The following ENOSF1 variants were observed in gnomAD, a reference collection of about 807,000 sequenced individuals.
ENOSF1 encodes the protein mitochondrial enolase superfamily member 1.
A neutral mutation model predicts 68.2 loss-of-function variants in ENOSF1; 73 were observed. The observed-to-expected ratio is 1.07, with a 90% confidence interval of 0.89 to 1.30. The LOEUF (loss-of-function observed/expected upper bound fraction) is 1.30. ENOSF1 is among the 50% of genes most tolerant of loss of function. The pLI is 0.00. For synonymous variants in ENOSF1, 223 were observed against 210.4 expected (o/e 1.06, Z -0.52); for missense variants, 589 against 554.5 (o/e 1.06, Z -0.62).
At chr18:669,904 G>A (rs1294679485), downstream of ENOSF1, among the ~76,000 whole-genome samples, 1 of 151,956 alleles carries the variant, frequency 6.6e-6, no homozygotes, top group Non-Finnish European at 1.5e-5. Context: ...TGAGGCTGTA[G>A]TGAGTCATGA....
At chr18:689,875 C>T (rs1481012664) in intron 8 of ENOSF1, among the ~76,000 whole-genome samples, 1 of 150,748 alleles carries the variant, frequency 6.6e-6, no homozygotes, top group Non-Finnish European at 1.5e-5. Context: ...AAACTTTAGC[C>T]TATTCCCAGA....
In ENOSF1 at chr18:692,619, GAAAA is replaced by G. The variant is rs994288111; in HGVS notation, c.423+1259_423+1262del. 7.9e-6 allele frequency: 6 copies of G among 756,210 alleles called. No homozygotes were observed. In the African/African-American group the frequency reaches 1.2e-4, roughly 16 times the overall value. The allele number at this position is 756,210 out of a possible 1,614,324, so 46.8% of individuals were successfully genotyped here. A position where few individuals can be genotyped will look rare whatever the true frequency, so the allele number is the denominator to read the frequency against. On this transcript the variant is annotated intron_variant, in intron 5 of 15. Transcript: ENST00000647584. ...TCTAAAAAAAAAAAAAAGAAAGAAA[GAAAA>G]AAAGAAAAAAGAAAAGAGTACTGGC... is the stretch of plus-strand genomic sequence containing the variant.
chr18:688,951 T>C (rs1042499889), intron 8 of ENOSF1, among the ~76,000 whole-genome samples: 6 of 152,246 alleles, frequency 3.9e-5, no homozygotes, highest in African/African-American at 1.4e-4. Context: ...AGCCAGCCTC[T>C]CTCTCCACTC....
chr18:711,619 A>C (rs1394429023), intron 1 of ENOSF1, among the ~76,000 whole-genome samples: 1 of 152,164 alleles, frequency 6.6e-6, no homozygotes, highest in Non-Finnish European at 1.5e-5. Context: ...AACCCACTGT[A>C]TTTGGGAAAC....
chr18:666,891 AGATGGTGATGGAGATGGT>A (rs1598467903), downstream of ENOSF1, among the ~76,000 whole-genome samples: 80 of 62,180 alleles, frequency 1.3e-3, 8 homozygotes, highest in Middle Eastern at 8.3e-3. Flanking sequence ...AAAGTTCGGG[AGATGGTGATGGAGATGGT>A]GATGGTGATG....
At chr18:682,876 C>T (rs2076209597) in intron 11 of ENOSF1, 1 of 182,666 alleles carries the variant, frequency 5.5e-6, no homozygotes. Flanking sequence ...GAGTAAGACT[C>T]TATCTCAAAA....
At chr18:695,221 C>T (rs1221442103) in intron 3 of ENOSF1, among the ~76,000 whole-genome samples, 1 of 152,202 alleles carries the variant, frequency 6.6e-6, no homozygotes, top group Non-Finnish European at 1.5e-5. Flanking sequence ...GTACAGGCCA[C>T]TTGATTTGTA....
rs142931218 is a variant in ENOSF1, at chr18:703,302, T to C, written c.193+3168A>G. Among the ~76,000 whole-genome samples, 159 of 152,232 alleles carry C rather than the reference T, an allele frequency of 1.0e-3. 2 individuals carry two copies. In the East Asian group the frequency reaches 0.017, roughly 16 times the overall value. On this transcript the variant is annotated intron_variant, in intron 2 of 15. Transcript: ENST00000647584. ...TCCCAGAAGGGCTTCTTATCTATCT[T>C]AGTGCCCAGGGCCCCTCCACGTGTG...
Position 672,883 on chromosome 18 carries a change from C to T in ENOSF1, c.*1422G>A. On this transcript the variant is annotated 3_prime_UTR_variant, in exon 16 of 16. Coordinates refer to ENST00000647584, the MANE Select transcript of ENOSF1 (RefSeq NM_017512.7). ...AGCTTCAGCGAGAACCCAGACCTTT[C>T]CCAAAGCTCAGGATTCTTCGAAAAG... The T allele has an allele frequency of 6.3e-7, 1 of 1,586,010 alleles. No individual in the cohort carries two copies. The highest frequency in any genetic ancestry group is 8.6e-7 in the Non-Finnish European group (1 of 1,158,562).
intron 2 of ENOSF1, among the ~76,000 whole-genome samples, chr18:702,251 C>T (rs1330767586): frequency 2.5e-5 from 2 of 80,976 alleles, no homozygotes; most frequent in African/African-American, 5.3e-5. Flanking sequence ...GCAACAAGAG[C>T]GAAACTACAT....
chr18:696,426 T>G (rs1397169678), intron 3 of ENOSF1, among the ~76,000 whole-genome samples: 12 of 151,946 alleles, frequency 7.9e-5, no homozygotes. Flanking sequence ...TTAGCCAGGA[T>G]GGTCTCGACC....
chr18:672,798 T>C lies in ENOSF1; in HGVS notation c.*1507A>G. The C allele has an allele frequency of 4.7e-6, 7 of 1,501,528 alleles. No individual in the cohort carries two copies. In the South Asian group the frequency reaches 8.0e-5, roughly 17 times the overall value. The allele number at this position is 1,501,528 out of a possible 1,614,324, so 93.0% of individuals were successfully genotyped here. On this transcript the variant is annotated 3_prime_UTR_variant, in exon 16 of 16. Transcript: ENST00000647584. ...ATCCTGTGTACTTGTTTCACGGACATGAGGAGCAATTACAACAGGTCGTAC... is the reference window on the plus strand; with the variant it reads ...ATCCTGTGTACTTGTTTCACGGACACGAGGAGCAATTACAACAGGTCGTAC...
rs10610259 is a variant in ENOSF1 at position 673,710 on chromosome 18, GTT to G, written c.*593_*594del. The G allele has an allele frequency of 2.6e-3, 365 of 138,744 alleles. 1 individual carries two copies. The highest frequency in any genetic ancestry group is 7.9e-3 in the East Asian group (41 of 5,168). The allele number at this position is 138,744 out of a possible 1,614,324, so 8.6% of individuals were successfully genotyped here. A position where few individuals can be genotyped will look rare whatever the true frequency, so the allele number is the denominator to read the frequency against. On this transcript the variant is annotated 3_prime_UTR_variant, in exon 16 of 16. Coordinates refer to ENST00000647584, the MANE Select transcript of ENOSF1 (RefSeq NM_017512.7). ...AAATATAATGACCATTTAGGATAGA[GTT>G]TTTTTTTTTTTTTTTTAAACTTTTA...
downstream of ENOSF1, among the ~76,000 whole-genome samples, chr18:667,107 AGATGGT>A (rs1212083746): frequency 6.5e-3 from 244 of 37,364 alleles, 25 homozygotes; most frequent in Middle Eastern, 0.021. Context: ...ATGGAGATGG[AGATGGT>A]GATGGTGATG....
chr18:693,304 A>C (rs778471845), intron 5 of ENOSF1: 375 of 1,258,406 alleles, frequency 3.0e-4, no homozygotes, highest in Non-Finnish European at 3.7e-4. Context: ...TTGGTGTCAA[A>C]GTGACTGGAT....
intron 1 of ENOSF1, among the ~76,000 whole-genome samples, chr18:710,461 G>A (rs1283184515): frequency 1.3e-5 from 2 of 152,166 alleles, no homozygotes; most frequent in Non-Finnish European, 2.9e-5. Context: ...CTAGATTAGG[G>A]ATTCCTTCTG....
chr18:691,010 G>A, intron 7 of ENOSF1, 58 bp downstream of exon 7: 1 of 1,566,326 alleles, frequency 6.4e-7, no homozygotes, highest in Non-Finnish European at 8.8e-7. Context: ...AAGGACAGGG[G>A]CACTCAAAAG....
At position 677,772 on chromosome 18, in the gene ENOSF1, G is replaced by C. The variant is rs557315151; in HGVS notation, c.1019C>G (p.Ser340Ter). ...AAACTTTTTGGCCATCAGCAATACTGAGAGGTTCTCATTGACACTGCCCAG... is the reference window on the plus strand; with the variant it reads ...AAACTTTTTGGCCATCAGCAATACTCAGAGGTTCTCATTGACACTGCCCAG... ...CRLGSVNENLSVLLMAKKFEI... is the reference protein window; with the variant it reads ...CRLGSVNENL The change falls in exon 13 of 16, where the codon TCA becomes TGA. Residue 340 changes from serine (S) to a stop codon, truncating the protein, a stop_gained. Transcript: ENST00000647584. LOFTEE classifies it high-confidence loss of function. 1.7e-5 allele frequency: 28 copies of C among 1,614,074 alleles called. No individual in the cohort carries two copies. In the East Asian group the frequency reaches 4.9e-4, roughly 28 times the overall value.
At chr18:700,781 G>A (rs2078255310) in intron 2 of ENOSF1, among the ~76,000 whole-genome samples, 1 of 151,806 alleles carries the variant, frequency 6.6e-6, no homozygotes, top group South Asian at 2.1e-4. Context: ...GCTACTTGTG[G>A]GGGCTGAGGT....
Sources: allele counts gnomAD v4.1 joint callset (sites outside exome capture counted in the v4.1 genomes callset), GRCh38; gene constraint gnomAD v4.1.1; transcripts MANE v1.5; gene names NCBI Gene and HGNC (gene_info 2026-07-23, HGNC 2026-07-21).